Variants in CNTRL observed in about 807,000 individuals in gnomAD.
CNTRL encodes the protein centriolin.
CNTRL carries 233 observed loss-of-function variants against 303.7 expected under a neutral mutation model. That is an observed-to-expected ratio of 0.77 (90% CI 0.69 to 0.86). CNTRL has a LOEUF of 0.86. CNTRL is among the 40% of genes least tolerant of loss of function. The pLI, the probability that CNTRL is intolerant of heterozygous loss-of-function variation, is 0.00. For missense variants in CNTRL, 2,524 were observed against 2,650.6 expected (o/e 0.95, Z 1.05); for synonymous variants, 900 against 922.2 (o/e 0.98, Z 0.44).
intron 7 of CNTRL, among the ~76,000 whole-genome samples, chr9:121,100,130 A>C (rs987431339): frequency 1.3e-5 from 2 of 152,236 alleles, no homozygotes; most frequent in Non-Finnish European, 2.9e-5. Context: ...AGTTGAAATG[A>C]AGGAAAAAAT....
In CNTRL at chr9:121,163,896, G is replaced by A. The variant is rs918392486; in HGVS notation, c.5424-1047G>A. ...TTTTTTTTTTTTGAGATGGAGCCTC[G>A]CTCTGTTGCCCAGGCTGGAGTGCAG... On this transcript the variant is annotated intron_variant, in intron 34 of 43. Coordinates refer to ENST00000373855, the MANE Select transcript of CNTRL (RefSeq NM_007018.6). Among the ~76,000 whole-genome samples the A allele has an allele frequency of 2.8e-5, 4 of 140,896 alleles. No homozygotes were observed. The South Asian group carries it at 8.9e-4, about 31-fold the overall frequency. 92.4% of individuals were successfully genotyped at this position (140,896 alleles called of 152,430 possible). A position where few individuals can be genotyped will look rare whatever the true frequency, so the allele number is the denominator to read the frequency against.
At chr9:121,161,593 A>T (rs912746294) in intron 32 of CNTRL, 18 of 416,800 alleles carry the variant, frequency 4.3e-5, no homozygotes, top group Middle Eastern at 6.2e-4. Flanking sequence ...AGCAGTCCTT[A>T]CACCTCAGCC....
At chr9:121,130,183 TG>T (rs1158447484) in intron 14 of CNTRL, among the ~76,000 whole-genome samples, 6 of 152,348 alleles carry the variant, frequency 3.9e-5, no homozygotes, top group East Asian at 1.9e-4. Context: ...TTCTATTCAT[TG>T]GAAGAGTTTC....
At position 121,145,311 on chromosome 9, in the gene CNTRL, AACTGAATG is replaced by A; in HGVS notation, c.3238_3245del (p.Leu1080AspfsTer22). ...AACTCACAGGTCCTAGAAATTGAGA[AACTGAATG>A]AGACAATGGAACGACAAAGGACAGA... On this transcript the variant is annotated frameshift_variant, in exon 22 of 44. Coordinates refer to ENST00000373855, the MANE Select transcript of CNTRL (RefSeq NM_007018.6). LOFTEE classifies it high-confidence loss of function. The A allele has an allele frequency of 6.2e-7, 1 of 1,614,138 alleles. No homozygotes were observed. Among genetic ancestry groups the A allele is most frequent in the Non-Finnish European group, 8.5e-7 (1 of 1,179,994 alleles).
Position 121,107,827 on chromosome 9 carries a change from C to T in CNTRL, c.834C>T (p.Asp278=). 1.3e-6 allele frequency: 2 copies of T among 1,582,384 alleles called. No individual in the cohort carries two copies. The highest frequency in any genetic ancestry group is 2.2e-4 in the Middle Eastern group (1 of 4,640). ...AAGAGGTAGAAAGACTGGAAAGAGA[C>T]CTAGAAAAAAAGATGATAGAAACTG... is the stretch of plus-strand genomic sequence containing the variant. ...SLEEVERLER[D]LEKKMIETEE... The change falls in exon 8 of 44, where the codon GAC becomes GAT. Residue 278 remains aspartate (D), a synonymous_variant. Coordinates refer to ENST00000373855, the MANE Select transcript of CNTRL (RefSeq NM_007018.6).
At chr9:121,081,413 G>A (rs563350735) in intron 2 of CNTRL, among the ~76,000 whole-genome samples, 2 of 152,264 alleles carry the variant, frequency 1.3e-5, no homozygotes, top group African/African-American at 4.8e-5. Context: ...TTCTGACACT[G>A]TCTGCCTGAA....
chr9:121,102,825 G>A (rs2049251406), intron 7 of CNTRL, among the ~76,000 whole-genome samples: 1 of 152,052 alleles, frequency 6.6e-6, no homozygotes, highest in Non-Finnish European at 1.5e-5. Flanking sequence ...AAAATACCTA[G>A]GAATCCAGCT....
rs529282992 is a variant in CNTRL at position 121,170,018 on chromosome 9, T to C, written c.6276+202T>C. On this transcript the variant is annotated intron_variant, in intron 39 of 43. Coordinates refer to ENST00000373855, the MANE Select transcript of CNTRL (RefSeq NM_007018.6). The stretch of plus-strand genomic sequence containing the variant: ...GGGACGGGTGCAGCCTCAATGGAGC[T>C]CTGGCTGGCTGGGGAGACTGTTGGT... Among the ~76,000 whole-genome samples the C allele has an allele frequency of 4.3e-4, 66 of 152,272 alleles. 1 individual carries two copies. Among genetic ancestry groups the C allele is most frequent in the African/African-American group, 1.5e-3 (62 of 41,538 alleles).
intron 1 of CNTRL, among the ~76,000 whole-genome samples, chr9:121,078,732 T>A (rs1270235708): frequency 6.6e-6 from 1 of 152,216 alleles, no homozygotes; most frequent in Middle Eastern, 3.2e-3. Flanking sequence ...TTGGGTTTGA[T>A]TAATTTGCTA....
At position 121,162,148 on chromosome 9, in the gene CNTRL, A is replaced by C; in HGVS notation, c.5300A>C (p.Glu1767Ala). ...CAGCTCCTTGAGAGGGATAAACGAGAAATAGAACGAATGACTGCTGAGTCC... is the reference window on the plus strand; with the variant it reads ...CAGCTCCTTGAGAGGGATAAACGAGCAATAGAACGAATGACTGCTGAGTCC... Reference protein sequence around the residue: ...QKQLLERDKREIERMTAESRA... With the variant: ...QKQLLERDKRAIERMTAESRA... The change falls in exon 34 of 44, where the codon GAA becomes GCA. Residue 1767 changes from glutamate (E) to alanine (A), a missense_variant. By Grantham distance (107) the Glu-to-Ala change is moderately radical. Transcript: ENST00000373855. 2.5e-6 allele frequency: 4 copies of C among 1,614,202 alleles called. No individual in the cohort carries two copies. The highest frequency in any genetic ancestry group is 3.4e-6 in the Non-Finnish European group (4 of 1,180,012).
chr9:121,105,705 C>T (rs2049433315), intron 7 of CNTRL, among the ~76,000 whole-genome samples: 1 of 152,166 alleles, frequency 6.6e-6, no homozygotes, highest in South Asian at 2.1e-4. Context: ...AAGTGGTCAA[C>T]TCTGTTGAAT....
intron 5 of CNTRL, among the ~76,000 whole-genome samples, chr9:121,095,552 CA>C (rs1431146770): frequency 2.0e-5 from 3 of 152,058 alleles, no homozygotes; most frequent in African/African-American, 7.2e-5. Flanking sequence ...CAAAATGATA[CA>C]AGAATCAAAT....
rs749454295 is a variant in CNTRL at position 121,162,045 on chromosome 9, C to T, written c.5206-9C>T. Reference sequence around the variant, plus strand: ...TTAAGATGTTTGAGTCCTCTTTTATCTGATTTAGGAGAAACTGGAGTTAGA... The same window carrying T: ...TTAAGATGTTTGAGTCCTCTTTTATTTGATTTAGGAGAAACTGGAGTTAGA... On this transcript the variant is annotated splice_polypyrimidine_tract_variant and intron_variant, in intron 33 of 43. Coordinates refer to ENST00000373855, the MANE Select transcript of CNTRL (RefSeq NM_007018.6). The T allele has an allele frequency of 6.8e-6, 11 of 1,613,874 alleles. No homozygotes were observed. The highest frequency in any genetic ancestry group is 9.3e-6 in the Non-Finnish European group (11 of 1,179,934).
intron 16 of CNTRL, 70 bp from the exon 17 acceptor site, chr9:121,140,567 ATGTT>A: frequency 7.5e-7 from 1 of 1,335,662 alleles, no homozygotes; most frequent in Non-Finnish European, 1.0e-6. Context: ...TGGTCTAGAT[ATGTT>A]TGTTAGTTCG....
intron 27 of CNTRL, among the ~76,000 whole-genome samples, chr9:121,156,277 C>T (rs1054251462): frequency 2.0e-5 from 3 of 151,862 alleles, no homozygotes; most frequent in Non-Finnish European, 2.9e-5. Flanking sequence ...GTAAGTCAAC[C>T]AAGGCTGGTA....
chr9:121,141,341 T>C (rs767271497), intron 17 of CNTRL, 40 bp from the exon 18 acceptor site: 1 of 1,490,432 alleles, frequency 6.7e-7, no homozygotes. Context: ...CATCAAAAAT[T>C]AAATGTCACA....
chr9:121,110,725 T>C (rs2049710241), intron 8 of CNTRL, among the ~76,000 whole-genome samples: 1 of 152,082 alleles, frequency 6.6e-6, no homozygotes, highest in Admixed American at 6.6e-5. Flanking sequence ...GATGTTTATA[T>C]AGGAGAGCAA....
rs1309573411 is a variant in CNTRL at position 121,173,683 on chromosome 9, C to G, written c.6693C>G (p.His2231Gln). 3 of 1,614,008 alleles carry G rather than the reference C, an allele frequency of 1.9e-6. No homozygotes were observed. Among genetic ancestry groups the G allele is most frequent in the Non-Finnish European group, 2.5e-6 (3 of 1,180,004 alleles). The change falls in exon 42 of 44, where the codon CAC becomes CAG. Residue 2231 changes from histidine to glutamine, a missense_variant. By Grantham distance (24) the His-to-Gln change is conservative (BLOSUM62 0). Coordinates refer to ENST00000373855, the MANE Select transcript of CNTRL (RefSeq NM_007018.6). ...NFSQVHIMDE[H>Q]WRGEALREKL... Reference sequence around the variant, plus strand: ...TTTTCCCTCTGAGAAAGGATGAACACTGGCGTGGAGAAGCACTCCGGGAGA... The same window carrying G: ...TTTTCCCTCTGAGAAAGGATGAACAGTGGCGTGGAGAAGCACTCCGGGAGA...
At chr9:121,122,436 T>C (rs763868183) in intron 12 of CNTRL, 26 of 973,724 alleles carry the variant, frequency 2.7e-5, no homozygotes, top group Middle Eastern at 5.2e-4. Context: ...GGTAAGCAAA[T>C]ACATAAAATT....
Sources: allele counts gnomAD v4.1 joint callset (sites outside exome capture counted in the v4.1 genomes callset), GRCh38; gene constraint gnomAD v4.1.1; transcripts MANE v1.5; gene names NCBI Gene and HGNC (gene_info 2026-07-23, HGNC 2026-07-21).